Variants in DFFA observed in about 807,000 individuals in gnomAD.
DFFA encodes the protein DFF45.
In DFFA, 14 loss-of-function variants were observed where a neutral mutation model predicts 28.0. That is an observed-to-expected ratio of 0.50 (90% CI 0.33 to 0.78). The LOEUF is 0.78. Among genes scored for constraint, DFFA ranks in the 30% least tolerant of loss-of-function variants. The probability of loss-of-function intolerance (pLI) is 0.02; values close to 1 mark genes in which losing one functional copy is unlikely to be tolerated. For synonymous variants in DFFA, 158 were observed against 170.3 expected, an observed-to-expected ratio of 0.93 and a Z score of 0.56; for missense variants, 395 against 407.1, an observed-to-expected ratio of 0.97 and a Z score of 0.26.
At chr1:10,462,967 T>A (rs1277939555) in intron 5 of DFFA, 91 bp downstream of exon 5, 2 of 1,574,054 alleles carry the variant, frequency 1.3e-6, no homozygotes, top group Non-Finnish European at 1.7e-6. Flanking sequence ...TCTGCAGAGG[T>A]GAACAAAAGG....
At chr1:10,462,532 C>T (rs1372537761) in intron 5 of DFFA, 29 of 989,758 alleles carry the variant, frequency 2.9e-5, no homozygotes, top group Non-Finnish European at 3.4e-5. Context: ...TTTAGCCAAG[C>T]TCAAGTCAAC....
chr1:10,467,458 A>C (rs1570108256), intron 2 of DFFA, 126 bp from the exon 3 acceptor site: 92 of 1,045,418 alleles, frequency 8.8e-5, no homozygotes, highest in Non-Finnish European at 1.2e-4. Flanking sequence ...ATCTTATCTC[A>C]AGGATTCACA....
chr1:10,461,884 T>C (rs1384262006), intron 5 of DFFA, 182 bp from the exon 6 acceptor site: 7 of 984,724 alleles, frequency 7.1e-6, no homozygotes, highest in Non-Finnish European at 8.4e-6. Context: ...AGACGGAGTC[T>C]CGCTCTGTCA....
rs571516497 is a variant in DFFA, at chr1:10,461,192, G to C, written c.*298C>G. On this transcript the variant is annotated 3_prime_UTR_variant, in exon 6 of 6. Coordinates refer to ENST00000377038, the MANE Select transcript of DFFA (RefSeq NM_004401.3). ...CCCAGTGCTGGGATTACAGGCGTGA[G>C]CCACTGCGCCTGGCCAATCACTGCC... 3.9e-5 allele frequency: 12 copies of C among 306,866 alleles called. No individual in the cohort carries two copies. The Admixed American group carries it at 5.2e-4, about 13-fold the overall frequency. 19.0% of individuals were successfully genotyped at this position (306,866 alleles called of 1,614,324 possible).
intron 5 of DFFA, 80 bp from the exon 6 acceptor site, chr1:10,461,782 G>C (rs1640945303): frequency 6.4e-7 from 1 of 1,567,766 alleles, no homozygotes; most frequent in Non-Finnish European, 8.6e-7. Flanking sequence ...CTTTTGGGGA[G>C]TGCAATGAGG....
chr1:10,469,101 T>C (rs1274887906), intron 2 of DFFA, 76 bp downstream of exon 2: 2 of 1,426,770 alleles, frequency 1.4e-6, no homozygotes, highest in Non-Finnish European at 1.9e-6. Context: ...CAAATGGCAA[T>C]TGTCTGTGCA....
At position 10,472,383 on chromosome 1, in the gene DFFA, T is replaced by TGCGGCGCAGCAGAC; in HGVS notation, c.62_75dup (p.Asn26ValfsTer22). 6.2e-7 allele frequency: 1 copy of TGCGGCGCAGCAGAC among 1,612,402 alleles called. No individual in the cohort carries two copies. The highest frequency in any genetic ancestry group is 1.1e-5 in the South Asian group (1 of 90,802). ...ACGCCGTGCTGTTCGCGGCTGTAGT[T>TGCGGCGCAGCAGAC]GCGGCGCAGCAGACACGGCTTTAGA... On this transcript the variant is annotated frameshift_variant, in exon 1 of 6. Coordinates refer to ENST00000377038, the MANE Select transcript of DFFA (RefSeq NM_004401.3). LOFTEE classifies it high-confidence loss of function. The surrounding 1 kb of genome is among the most constrained non-coding windows in gnomAD (Gnocchi z 5.0).
chr1:10,465,772 G>A (rs1413301300), intron 3 of DFFA, among the ~76,000 whole-genome samples: 2 of 151,770 alleles, frequency 1.3e-5, no homozygotes, highest in Admixed American at 6.6e-5. Context: ...GCTCACTGAA[G>A]CCTTGACCAC....
intron 1 of DFFA, among the ~76,000 whole-genome samples, chr1:10,470,048 T>C (rs1323215615): frequency 6.6e-6 from 1 of 151,978 alleles, no homozygotes; most frequent in African/African-American, 2.4e-5. Context: ...ACTCCCGACT[T>C]AATGATCTAC....
At chr1:10,463,254 A>C in intron 4 of DFFA, 45 bp from the exon 5 acceptor site, 1 of 1,598,546 alleles carries the variant, frequency 6.3e-7, no homozygotes, top group African/African-American at 1.3e-5. Context: ...GTGTGACCAC[A>C]CAGCCACATG....
chr1:10,463,087 C>G lies in DFFA; in HGVS notation c.754G>C (p.Glu252Gln). The G allele has an allele frequency of 6.2e-7, 1 of 1,614,184 alleles. No homozygotes were observed. Among genetic ancestry groups the G allele is most frequent in the Non-Finnish European group, 8.5e-7 (1 of 1,180,036 alleles). ...LTALREKQAPELSLSSQDLEL... is the reference protein window; with the variant it reads ...LTALREKQAPQLSLSSQDLEL... ...AAATCCTGACTAGATAAGCTCAGCT[C>G]TGGAGCCTGCTTCTCCCTCAGTGCA... is the stretch of plus-strand genomic sequence containing the variant. Residue 252 changes from glutamate to glutamine, a missense_variant, in exon 5 of 6, where the codon GAG becomes CAG. Transcript: ENST00000377038.
chr1:10,471,313 C>T (rs1641095656), intron 1 of DFFA, among the ~76,000 whole-genome samples: 1 of 152,108 alleles, frequency 6.6e-6, no homozygotes, highest in Admixed American at 6.6e-5. Flanking sequence ...TATCCTTCAG[C>T]GGTGTTGTCT....
At chr1:10,470,055 C>T (rs541607891) in intron 1 of DFFA, among the ~76,000 whole-genome samples, 1 of 152,220 alleles carries the variant, frequency 6.6e-6, no homozygotes, top group South Asian at 2.1e-4. Context: ...ACTTAATGAT[C>T]TACCTGCCTC....
intron 3 of DFFA, among the ~76,000 whole-genome samples, chr1:10,466,907 T>G (rs1054361774): frequency 7.3e-6 from 1 of 136,560 alleles, no homozygotes; most frequent in Non-Finnish European, 1.5e-5. Flanking sequence ...GAGCTGAGAT[T>G]GCACCACTGC....
intron 3 of DFFA, among the ~76,000 whole-genome samples, chr1:10,466,952 CAAAAAA>C (rs34597195): frequency 3.1e-5 from 1 of 32,724 alleles, no homozygotes; most frequent in Non-Finnish European, 7.5e-5. Flanking sequence ...GACTGTGTCT[CAAAAAA>C]AAAAAAAAAA....
intron 5 of DFFA, among the ~76,000 whole-genome samples, chr1:10,462,063 T>C (rs1036965916): frequency 6.6e-6 from 1 of 152,230 alleles, no homozygotes; most frequent in Non-Finnish European, 1.5e-5. Context: ...TTTCACCGTG[T>C]TCGCCAGGAT....
intron 5 of DFFA, chr1:10,461,956 GC>G: frequency 1.5e-6 from 1 of 681,120 alleles, no homozygotes; most frequent in Non-Finnish European, 1.8e-6. Context: ...CCGGATTCAC[GC>G]CATTCTCCTG....
Position 10,461,248 on chromosome 1 carries a change from A to C in DFFA, c.*242T>G. 2 of 524,132 alleles carry C rather than the reference A, an allele frequency of 3.8e-6. No individual in the cohort carries two copies. The highest frequency in any genetic ancestry group is 5.4e-4 in the Middle Eastern group (1 of 1,856). 32.5% of individuals were successfully genotyped at this position (524,132 alleles called of 1,614,324 possible). ...CTTTTGAACAGAGAACATCATATGT[A>C]ATTAGAGGAGGCGGGATATTGTTGG... On this transcript the variant is annotated 3_prime_UTR_variant, in exon 6 of 6. Transcript: ENST00000377038.
chr1:10,461,959 A>G (rs1640949023), intron 5 of DFFA: 2 of 660,342 alleles, frequency 3.0e-6, no homozygotes, highest in African/African-American at 2.0e-5. Context: ...GATTCACGCC[A>G]TTCTCCTGCC....
Sources: allele counts gnomAD v4.1 joint callset (sites outside exome capture counted in the v4.1 genomes callset), GRCh38; gene constraint gnomAD v4.1.1; non-coding constraint Gnocchi (gnomAD v3.1); transcripts MANE v1.5; gene names NCBI Gene and HGNC (gene_info 2026-07-23, HGNC 2026-07-21).